Variants in RYR2 observed in about 807,000 individuals in gnomAD.
RYR2 encodes the protein ryanodine receptor 2.
RYR2 carries 227 observed loss-of-function variants against 601.1 expected under a neutral mutation model. The ratio of observed to expected loss-of-function variants is 0.38; its 90% confidence interval spans 0.34 to 0.42. The LOEUF is 0.42. Among genes scored for constraint, RYR2 ranks in the 10% least tolerant of loss-of-function variants. The pLI is 1.00. For missense variants in RYR2, 4,646 were observed against 6,156.5 expected (o/e 0.75, Z 8.21); for synonymous variants, 2,223 against 2,175.1 (o/e 1.02, Z -0.61).
chr1:237,388,386 C>A (rs1399092818), intron 10 of RYR2, among the ~76,000 whole-genome samples: 1 of 152,176 alleles, frequency 6.6e-6, no homozygotes, highest in Non-Finnish European at 1.5e-5. Context: ...AACAGAAGAA[C>A]TGAAAATTTT....
chr1:237,788,257 A>T (rs570192686), intron 92 of RYR2, 122 bp downstream of exon 92: 24 of 697,440 alleles, frequency 3.4e-5, no homozygotes, highest in Admixed American at 1.5e-4. Flanking sequence ...AGTCCAGCAC[A>T]TGTTTGATTT....
chr1:237,698,875 G>A, intron 63 of RYR2, 90 bp from the exon 64 acceptor site: 2 of 671,992 alleles, frequency 3.0e-6, no homozygotes, highest in Non-Finnish European at 5.1e-6. Flanking sequence ...TTGTGTCATT[G>A]ACTAATTTTT....
At chr1:237,581,641 G>C (rs1285924913) in intron 29 of RYR2, among the ~76,000 whole-genome samples, 1 of 152,146 alleles carries the variant, frequency 6.6e-6, no homozygotes, top group African/African-American at 2.4e-5. Context: ...ATGGAAATGG[G>C]TGGCTTATTC....
intron 1 of RYR2, among the ~76,000 whole-genome samples, chr1:237,148,597 T>G (rs1674350165): frequency 6.8e-6 from 1 of 148,052 alleles, no homozygotes; most frequent in African/African-American, 2.5e-5. Flanking sequence ...TATATATATA[T>G]GTGCATGTGG....
intron 1 of RYR2, among the ~76,000 whole-genome samples, chr1:237,164,701 G>A (rs555953429): frequency 1.8e-4 from 27 of 152,222 alleles, no homozygotes; most frequent in South Asian, 1.5e-3. Flanking sequence ...GAAAGGTCAC[G>A]GCAACCTCTT....
At chr1:237,142,744 G>A (rs1223985382) in intron 1 of RYR2, among the ~76,000 whole-genome samples, 1 of 152,184 alleles carries the variant, frequency 6.6e-6, no homozygotes, top group Non-Finnish European at 1.5e-5. Flanking sequence ...GCCCTAGAGT[G>A]CAACACTTCA....
chr1:237,097,240 A>G (rs911762635), intron 1 of RYR2, among the ~76,000 whole-genome samples: 3 of 152,206 alleles, frequency 2.0e-5, no homozygotes, highest in Non-Finnish European at 4.4e-5. Context: ...GACCTTTTCC[A>G]TCAACCACTA....
At chr1:237,366,711 GTA>G (rs140217740) in intron 5 of RYR2, among the ~76,000 whole-genome samples, 44,258 of 146,156 alleles carry the variant, frequency 0.3, 6,734 homozygotes, top group East Asian at 0.38. Flanking sequence ...CACACACACT[GTA>G]TATATATATA....
intron 97 of RYR2, among the ~76,000 whole-genome samples, chr1:237,798,679 G>T (rs1320435085): frequency 6.6e-6 from 1 of 151,954 alleles, no homozygotes; most frequent in East Asian, 1.9e-4. Flanking sequence ...ACCATTACTT[G>T]TAAAGTTTAC....
chr1:237,723,196 C>T lies in RYR2; in HGVS notation c.10623C>T (p.Thr3541=). 3.7e-6 allele frequency: 6 copies of T among 1,610,496 alleles called. No individual in the cohort carries two copies. Among genetic ancestry groups the T allele is most frequent in the Non-Finnish European group, 5.1e-6 (6 of 1,177,002 alleles). Residue 3541 remains threonine, a synonymous_variant, in exon 74 of 105, where the codon ACC becomes ACT. Transcript: ENST00000366574. ...YKDLPNRTDD[T]SDPEKTVERV... ...ACTTACCAAACAGGACTGATGATAC[C>T]TCAGATCCAGAGAAGACGGTAGAAA...
chr1:237,044,643 A>AT (rs10675131), intron 1 of RYR2, among the ~76,000 whole-genome samples: 10,341 of 147,008 alleles, frequency 0.07, 904 homozygotes, highest in East Asian at 0.24. Context: ...GAGCAGGGGG[A>AT]TTTTTTTTTT....
intron 28 of RYR2, among the ~76,000 whole-genome samples, chr1:237,568,499 A>G (rs1288084422): frequency 4.6e-5 from 7 of 152,212 alleles, no homozygotes; most frequent in African/African-American, 4.8e-5. Flanking sequence ...CACTTTATGT[A>G]TATATATAAA....
chr1:237,133,704 G>T (rs1407400687), intron 1 of RYR2, among the ~76,000 whole-genome samples: 2 of 152,026 alleles, frequency 1.3e-5, no homozygotes, highest in Non-Finnish European at 2.9e-5. Flanking sequence ...GACGCGGGTG[G>T]ATCATGAGGT....
chr1:237,364,915 A>G (rs1436678827), intron 5 of RYR2, among the ~76,000 whole-genome samples: 3 of 152,232 alleles, frequency 2.0e-5, no homozygotes, highest in Non-Finnish European at 2.9e-5. Context: ...TAATTCAGCC[A>G]GCCCCTTATT....
At chr1:237,650,637 CT>C (rs950126847) in intron 50 of RYR2, among the ~76,000 whole-genome samples, 59 of 152,288 alleles carry the variant, frequency 3.9e-4, no homozygotes, top group African/African-American at 1.2e-3. Context: ...GTATCTCCCC[CT>C]GATGAAGTTT....
intron 1 of RYR2, among the ~76,000 whole-genome samples, chr1:237,127,029 AT>A (rs1671510209): frequency 6.6e-6 from 1 of 151,860 alleles, no homozygotes; most frequent in Non-Finnish European, 1.5e-5. Flanking sequence ...AACAAAGCAC[AT>A]CTTGCACCGC....
intron 96 of RYR2, 93 bp from the exon 97 acceptor site, chr1:237,797,944 T>A: frequency 1.7e-6 from 2 of 1,151,214 alleles, no homozygotes; most frequent in Non-Finnish European, 2.5e-6. Flanking sequence ...AAATATACAG[T>A]AAGTATAAAA....
At chr1:237,552,602 G>A (rs1269658709) in intron 27 of RYR2, among the ~76,000 whole-genome samples, 1 of 151,806 alleles carries the variant, frequency 6.6e-6, no homozygotes. Flanking sequence ...ACATATAAAT[G>A]TAACCTATAA....
In RYR2 at chr1:237,117,364, TG is replaced by T. The variant is rs1453900351; in HGVS notation, c.48+74797del. Among the ~76,000 whole-genome samples, 16 of 152,278 alleles carry T rather than the reference TG, an allele frequency of 1.1e-4. No individual in the cohort carries two copies. The Middle Eastern group carries it at 0.01, about 97-fold the overall frequency. On this transcript the variant is annotated intron_variant, in intron 1 of 104. Coordinates refer to ENST00000366574, the MANE Select transcript of RYR2 (RefSeq NM_001035.3). ...CCATTTCTCTAGGTGGGGAGGTCAG[TG>T]GAGGTTTATAAACAGAGGAAAATGT...
Sources: gnomAD v4.1 joint callset for allele counts (sites outside exome capture counted in the v4.1 genomes callset) on GRCh38, gnomAD v4.1.1 for gene constraint, MANE v1.5 for transcripts, NCBI Gene and HGNC (gene_info 2026-07-23, HGNC 2026-07-21) for gene names.